SAMD3: variants seen among roughly 807,000 people sequenced by gnomAD.
SAMD3 encodes the protein sterile alpha motif domain containing 3.
SAMD3 carries 63 observed loss-of-function variants against 58.5 expected under a neutral mutation model. That is an observed-to-expected ratio of 1.08 (90% CI 0.88 to 1.33). The LOEUF (loss-of-function observed/expected upper bound fraction) is 1.33. SAMD3 is among the 40% of genes most tolerant of loss of function. SAMD3 has a pLI of 0.00. For missense variants in SAMD3, 604 were observed against 608.4 expected (o/e 0.99, Z 0.08); for synonymous variants, 220 against 210.3 (o/e 1.05, Z -0.40).
At chr6:130,253,038 T>C (rs954754356) in intron 2 of SAMD3, among the ~76,000 whole-genome samples, 2 of 152,216 alleles carry the variant, frequency 1.3e-5, no homozygotes, top group African/African-American at 4.8e-5. Context: ...GTTTTTTCCA[T>C]GCCTCTGCAG....
chr6:130,282,608 T>C (rs1231807508), intron 2 of SAMD3, among the ~76,000 whole-genome samples: 1 of 151,970 alleles, frequency 6.6e-6, no homozygotes, highest in Non-Finnish European at 1.5e-5. Flanking sequence ...CTTTCAAAAG[T>C]ACTGGACTTC....
intron 5 of SAMD3, among the ~76,000 whole-genome samples, chr6:130,191,103 A>T (rs1793501838): frequency 6.6e-6 from 1 of 151,746 alleles, no homozygotes; most frequent in Non-Finnish European, 1.5e-5. Flanking sequence ...CAACTGTCAT[A>T]TGCATGATAA....
intron 7 of SAMD3, among the ~76,000 whole-genome samples, chr6:130,180,758 G>T (rs1438738731): frequency 1.3e-5 from 2 of 152,056 alleles, no homozygotes; most frequent in East Asian, 3.9e-4. Context: ...CACCTAGTGG[G>T]TGCCAGGGAT....
At chr6:130,201,149 T>C (rs1310808378) in intron 5 of SAMD3, among the ~76,000 whole-genome samples, 2 of 152,222 alleles carry the variant, frequency 1.3e-5, no homozygotes, top group Non-Finnish European at 2.9e-5. Context: ...TGAACTTTAG[T>C]CTAGTGTTTT....
intron 5 of SAMD3, among the ~76,000 whole-genome samples, chr6:130,187,689 G>A (rs763159255): frequency 6.6e-6 from 1 of 152,156 alleles, no homozygotes; most frequent in Non-Finnish European, 1.5e-5. Context: ...GTGAGGTTAA[G>A]ATTATTCATA....
intron 1 of SAMD3, among the ~76,000 whole-genome samples, chr6:130,332,104 G>T (rs1562526495): frequency 6.6e-6 from 1 of 152,218 alleles, no homozygotes; most frequent in South Asian, 2.1e-4. Flanking sequence ...GGTAGTGATA[G>T]AACTAGAACA....
chr6:130,349,736 T>C (rs1373635869), intron 1 of SAMD3, among the ~76,000 whole-genome samples: 1 of 152,202 alleles, frequency 6.6e-6, no homozygotes, highest in Admixed American at 6.6e-5. Flanking sequence ...CAGCATCATC[T>C]TGATACCAAA....
intron 2 of SAMD3, among the ~76,000 whole-genome samples, chr6:130,263,027 G>A (rs1227252888): frequency 2.0e-5 from 3 of 152,100 alleles, no homozygotes; most frequent in African/African-American, 7.2e-5. Context: ...TTGGATAAAT[G>A]TCTACAAGGT....
intron 2 of SAMD3, among the ~76,000 whole-genome samples, chr6:130,269,277 A>T (rs1292808049): frequency 2.6e-5 from 4 of 152,178 alleles, no homozygotes; most frequent in African/African-American, 4.8e-5. Flanking sequence ...ATTCATGGGC[A>T]TATTTCTAGG....
At chr6:130,165,974 C>T (rs1046348013) in intron 8 of SAMD3, among the ~76,000 whole-genome samples, 2 of 152,116 alleles carry the variant, frequency 1.3e-5, no homozygotes, top group Non-Finnish European at 2.9e-5. Context: ...CCTCCTTCAT[C>T]CCAGGGTCAG....
chr6:130,342,809 T>C (rs1302987085), intron 1 of SAMD3, among the ~76,000 whole-genome samples: 1 of 152,194 alleles, frequency 6.6e-6, no homozygotes, highest in Admixed American at 6.5e-5. Context: ...TAAGAAATAT[T>C]ATTCAAATCT....
intron 4 of SAMD3, among the ~76,000 whole-genome samples, chr6:130,210,425 C>G (rs1280857550): frequency 6.6e-6 from 1 of 151,696 alleles, no homozygotes; most frequent in East Asian, 1.9e-4. Flanking sequence ...ATGACAAAAC[C>G]CTGTCTTTAC....
intron 2 of SAMD3, among the ~76,000 whole-genome samples, chr6:130,248,564 T>A (rs930467868): frequency 5.9e-5 from 9 of 152,162 alleles, no homozygotes; most frequent in African/African-American, 1.9e-4. Context: ...GGGATGCCAG[T>A]CTACTCACTA....
chr6:130,187,378 T>C (rs1322001214), intron 5 of SAMD3, among the ~76,000 whole-genome samples: 1 of 152,118 alleles, frequency 6.6e-6, no homozygotes, highest in Non-Finnish European at 1.5e-5. Flanking sequence ...ATCCACAATG[T>C]AGCTAGACAT....
At chr6:130,157,011 GGT>G (rs1789842339) in intron 8 of SAMD3, among the ~76,000 whole-genome samples, 1 of 151,720 alleles carries the variant, frequency 6.6e-6, no homozygotes, top group Non-Finnish European at 1.5e-5. Flanking sequence ...CAGAGGTTGT[GGT>G]GAGCCAAGAT....
upstream of SAMD3, chr6:130,365,791 G>A (rs1212674388): frequency 2.0e-6 from 2 of 985,366 alleles, no homozygotes; most frequent in Non-Finnish European, 1.2e-6. Context: ...CTTTGTGGCC[G>A]GGACGCGGAT....
At chr6:130,163,969 G>A (rs1790493921) in intron 8 of SAMD3, among the ~76,000 whole-genome samples, 1 of 151,780 alleles carries the variant, frequency 6.6e-6, no homozygotes, top group Non-Finnish European at 1.5e-5. Context: ...ATGAATTATA[G>A]GTATAGTGTT....
intron 9 of SAMD3, among the ~76,000 whole-genome samples, chr6:130,147,694 A>G (rs1788760201): frequency 6.6e-6 from 1 of 152,158 alleles, no homozygotes; most frequent in Non-Finnish European, 1.5e-5. Flanking sequence ...TCTACTACAC[A>G]TTCCATTCAA....
intron 1 of SAMD3, among the ~76,000 whole-genome samples, chr6:130,352,458 C>A (rs1202881705): frequency 2.0e-5 from 3 of 152,078 alleles, no homozygotes; most frequent in African/African-American, 7.2e-5. Flanking sequence ...ATCACCCCTG[C>A]CATTAGTAAC....
Sources: allele counts gnomAD v4.1 joint callset (sites outside exome capture counted in the v4.1 genomes callset), GRCh38; gene constraint gnomAD v4.1.1; transcripts MANE v1.5; gene names NCBI Gene and HGNC (gene_info 2026-07-23, HGNC 2026-07-21).